Variants in EFCAB8 observed in about 807,000 individuals in gnomAD.
EFCAB8 encodes EF-hand calcium binding domain 8.
Under a neutral mutation model 116.3 loss-of-function variants are expected in EFCAB8, and 100 were observed. The observed-to-expected ratio is 0.86, with a 90% confidence interval of 0.73 to 1.02. The LOEUF (loss-of-function observed/expected upper bound fraction) is 1.02, where lower values mean the gene tolerates loss of function less well. Among genes scored for constraint, EFCAB8 ranks in the 50% least tolerant of loss-of-function variants. The probability of loss-of-function intolerance (pLI) is 0.00; values close to 1 mark genes in which losing one functional copy is unlikely to be tolerated. For missense variants in EFCAB8, 1,320 were observed against 1,416.9 expected (o/e 0.93, Z 1.10); for synonymous variants, 558 against 567.9 (o/e 0.98, Z 0.25).
intron 23 of EFCAB8, among the ~76,000 whole-genome samples, chr20:32,957,581 T>G (rs1989010100): frequency 6.6e-6 from 1 of 152,144 alleles, no homozygotes; most frequent in African/African-American, 2.4e-5. Flanking sequence ...ATGATCTCAT[T>G]CGGCTTTTCT....
intron 20 of EFCAB8, among the ~76,000 whole-genome samples, chr20:32,929,456 C>T (rs1338576368): frequency 1.4e-5 from 2 of 145,748 alleles, no homozygotes; most frequent in Non-Finnish European, 1.5e-5. Flanking sequence ...CTTTTTTCTC[C>T]CTTCCCTCCC....
chr20:32,912,901 A>G (rs1250130485), intron 17 of EFCAB8, 37 bp downstream of exon 17: 5 of 714,836 alleles, frequency 7.0e-6, no homozygotes, highest in Non-Finnish European at 1.3e-5. Context: ...AGGTTCCAGT[A>G]GCTGCGTGTT....
chr20:32,929,019 A>G (rs60039933), intron 20 of EFCAB8, among the ~76,000 whole-genome samples: 10,043 of 151,984 alleles, frequency 0.066, 464 homozygotes, highest in African/African-American at 0.13. Context: ...CTTGCATTCC[A>G]GGAATAAAAG....
intron 3 of EFCAB8, among the ~76,000 whole-genome samples, chr20:32,874,624 C>G (rs1403766577): frequency 6.6e-6 from 1 of 152,226 alleles, no homozygotes; most frequent in Non-Finnish European, 1.5e-5. Context: ...TCACTGCAAC[C>G]TCTGCCTCCT....
intron 23 of EFCAB8, among the ~76,000 whole-genome samples, chr20:32,955,668 G>A (rs1053360469): frequency 1.3e-5 from 2 of 152,172 alleles, no homozygotes; most frequent in South Asian, 2.1e-4. Context: ...TGAGAAGGGG[G>A]CTGGGAGCCT....
chr20:32,907,243 C>T, intron 13 of EFCAB8: 1 of 405,138 alleles, frequency 2.5e-6, no homozygotes, highest in Non-Finnish European at 3.3e-6. Context: ...GAGCCTCAGT[C>T]CTCAGTCTCC....
At position 32,920,141 on chromosome 20, in the gene EFCAB8, T is replaced by C. The variant is rs780465600; in HGVS notation, c.2338T>C (p.Tyr780His). ...SSKIHSKQSIYKEDETRKGEW... is the reference protein window; with the variant it reads ...SSKIHSKQSIHKEDETRKGEW... ...CAAGATCCACAGCAAACAGTCCATT[T>C]ACAAAGAGGATGAAACGAGAAAAGG... Residue 780 changes from tyrosine to histidine, a missense_variant, in exon 20 of 27, where the codon TAC (tyrosine) becomes CAC (histidine). Transcript: ENST00000400522. The C allele has an allele frequency of 7.1e-6, 11 of 1,551,558 alleles. No individual in the cohort carries two copies. The highest frequency in any genetic ancestry group is 1.7e-4 in the Middle Eastern group (1 of 6,014).
In EFCAB8 at chr20:32,896,461, G is replaced by C. The variant is rs1050769154; in HGVS notation, c.891G>C (p.Trp297Cys). 2 of 718,840 alleles carry C rather than the reference G, an allele frequency of 2.8e-6. No homozygotes were observed. Among genetic ancestry groups the C allele is most frequent in the African/African-American group, 3.5e-5 (2 of 57,274 alleles). The allele number at this position is 718,840 out of a possible 1,614,324, so 44.5% of individuals were successfully genotyped here. ...GGTTTTTTCCCCTATCAGATCACTG[G>C]ATCAAAGTTTCCTTGCAGAAACTCT... ...ILPRASKWDH[W>C]IKVSLQKLLN... The change falls in exon 10 of 27, where the codon TGG (tryptophan) becomes TGC (cysteine). Residue 297 changes from tryptophan (W) to cysteine (C), a missense_variant. Physicochemically the swap from Trp to Cys is radical, Grantham distance 215. Coordinates refer to ENST00000400522, the MANE Select transcript of EFCAB8 (RefSeq NM_001143967.2).
chr20:32,947,918 AG>A (rs368529658), intron 23 of EFCAB8, among the ~76,000 whole-genome samples: 2 of 150,936 alleles, frequency 1.3e-5, no homozygotes, highest in African/African-American at 2.4e-5. Flanking sequence ...AAAAAAAAAA[AG>A]AAAAAAGAAA....
intron 22 of EFCAB8, among the ~76,000 whole-genome samples, chr20:32,938,471 A>G (rs1287854672): frequency 6.7e-6 from 1 of 149,954 alleles, no homozygotes; most frequent in African/African-American, 2.5e-5. Flanking sequence ...AAATGAAATA[A>G]AAAGTATCTA....
chr20:32,870,423 A>G (rs1447733433), intron 3 of EFCAB8, among the ~76,000 whole-genome samples: 1 of 152,184 alleles, frequency 6.6e-6, no homozygotes, highest in Non-Finnish European at 1.5e-5. Flanking sequence ...TACAGAGAAA[A>G]TGTTTTTCTC....
rs971876558 is a variant in EFCAB8 at position 32,911,572 on chromosome 20, C to G, written c.1650C>G (p.His550Gln). The G allele has an allele frequency of 6.5e-7, 1 of 1,546,618 alleles. No individual in the cohort carries two copies. The highest frequency in any genetic ancestry group is 2.0e-5 in the Admixed American group (1 of 50,812). Residue 550 changes from histidine (H) to glutamine (Q), a missense_variant, in exon 16 of 27, where the codon CAC becomes CAG. Coordinates refer to ENST00000400522, the MANE Select transcript of EFCAB8 (RefSeq NM_001143967.2). Reference protein sequence around the residue: ...TMEFAVSGGQHVEMTAMALDE... With the variant: ...TMEFAVSGGQQVEMTAMALDE... ...AGTTTGCTGTGTCTGGGGGCCAGCA[C>G]GTGGAGATGACCGCCATGGCCCTGG...
chr20:32,868,088 T>A (rs552087777), intron 3 of EFCAB8, among the ~76,000 whole-genome samples: 4 of 152,168 alleles, frequency 2.6e-5, no homozygotes, highest in African/African-American at 9.6e-5. Context: ...TTAAAAGTAA[T>A]GGCAGAAATC....
chr20:32,961,366 A>T lies in EFCAB8; in HGVS notation c.3624A>T (p.Ser1208=). The T allele has an allele frequency of 6.8e-7, 1 of 1,466,496 alleles. No homozygotes were observed. Among genetic ancestry groups the T allele is most frequent in the Non-Finnish European group, 9.0e-7 (1 of 1,108,060 alleles). The allele number at this position is 1,466,496 out of a possible 1,614,324, so 90.8% of individuals were successfully genotyped here. A position where few individuals can be genotyped will look rare whatever the true frequency, so the allele number is the denominator to read the frequency against. The part of the protein sequence containing the change: ...SPSSLLSVTA[S]ASRLLDSSLP... ...CTTCCTTGTTATCTGTCACTGCCTCAGCCTCCAGGCTGCTGGACTCCAGCT... is the reference window on the plus strand; with the variant it reads ...CTTCCTTGTTATCTGTCACTGCCTCTGCCTCCAGGCTGCTGGACTCCAGCT... Residue 1208 remains serine, a synonymous_variant, in exon 27 of 27, where the codon TCA becomes TCT. Coordinates refer to ENST00000400522, the MANE Select transcript of EFCAB8 (RefSeq NM_001143967.2).
chr20:32,882,203 A>G (rs1039919362), intron 5 of EFCAB8, among the ~76,000 whole-genome samples: 2 of 152,222 alleles, frequency 1.3e-5, no homozygotes, highest in African/African-American at 4.8e-5. Flanking sequence ...CCGTCTCAAA[A>G]AGAAAAAAAA....
At chr20:32,937,753 G>A (rs1988178092) in intron 22 of EFCAB8, among the ~76,000 whole-genome samples, 1 of 133,472 alleles carries the variant, frequency 7.5e-6, no homozygotes, top group South Asian at 2.2e-4. Context: ...CGAGTAGCTG[G>A]GATTACAGGC....
chr20:32,874,737 A>T (rs911318175), intron 3 of EFCAB8, among the ~76,000 whole-genome samples: 1 of 150,238 alleles, frequency 6.7e-6, no homozygotes, highest in African/African-American at 2.5e-5. Context: ...AAAATATTTA[A>T]ATATTTATTT....
intron 1 of EFCAB8, among the ~76,000 whole-genome samples, chr20:32,862,441 C>G (rs1984162087): frequency 6.6e-6 from 1 of 152,056 alleles, no homozygotes; most frequent in African/African-American, 2.4e-5. Flanking sequence ...CACTTTCCCT[C>G]TTTGCTCCTT....
chr20:32,950,060 G>A (rs1045049253), intron 23 of EFCAB8, among the ~76,000 whole-genome samples: 1 of 152,068 alleles, frequency 6.6e-6, no homozygotes, highest in South Asian at 2.1e-4. Flanking sequence ...TAGAACTAAA[G>A]GCAAAAGTTA....
Sources: gnomAD v4.1 joint callset for allele counts (sites outside exome capture counted in the v4.1 genomes callset) on GRCh38, gnomAD v4.1.1 for gene constraint, MANE v1.5 for transcripts, NCBI Gene and HGNC (gene_info 2026-07-23, HGNC 2026-07-21) for gene names.